The following MARCHF8 variants were observed in gnomAD, a reference collection of about 807,000 sequenced individuals.
MARCHF8 encodes the protein E3 ubiquitin-protein ligase MARCHF8.
Under a neutral mutation model 51.6 loss-of-function variants are expected in MARCHF8, and 40 were observed. The ratio of observed to expected loss-of-function variants is 0.77; its 90% confidence interval spans 0.60 to 1.01. The LOEUF (loss-of-function observed/expected upper bound fraction) is 1.01, where lower values mean the gene tolerates loss of function less well. Ranked by LOEUF, MARCHF8 falls within the 50% of genes least tolerant of loss-of-function variation. The pLI, the probability that MARCHF8 is intolerant of heterozygous loss-of-function variation, is 0.00. For synonymous variants in MARCHF8, 263 were observed against 280.3 expected, an observed-to-expected ratio of 0.94 and a Z score of 0.62; for missense variants, 685 against 708.6, an observed-to-expected ratio of 0.97 and a Z score of 0.38.
At chr10:45,585,795 CA>C (rs1221847312) in intron 1 of MARCHF8, among the ~76,000 whole-genome samples, 2 of 151,516 alleles carry the variant, frequency 1.3e-5, no homozygotes, top group Non-Finnish European at 2.9e-5. Flanking sequence ...TTCTACATAA[CA>C]AAAAAAACTT....
At chr10:45,477,891 C>T (rs1032892454) in intron 3 of MARCHF8, among the ~76,000 whole-genome samples, 4 of 152,154 alleles carry the variant, frequency 2.6e-5, no homozygotes, top group African/African-American at 9.7e-5. Context: ...CATCTGCACC[C>T]TACACCAGAG....
chr10:45,508,833 AT>A (rs1206939981), intron 2 of MARCHF8, among the ~76,000 whole-genome samples: 15 of 152,156 alleles, frequency 9.9e-5, no homozygotes, highest in East Asian at 1.9e-4. Flanking sequence ...ATTGTTTAAA[AT>A]TTTTTTATTG....
At chr10:45,479,620 T>C (rs2042849947) in intron 3 of MARCHF8, among the ~76,000 whole-genome samples, 1 of 152,224 alleles carries the variant, frequency 6.6e-6, no homozygotes, top group African/African-American at 2.4e-5. Context: ...TCTCATTTTG[T>C]AAGGGAAGCC....
intron 1 of MARCHF8, among the ~76,000 whole-genome samples, chr10:45,589,877 A>G (rs1416049999): frequency 6.6e-6 from 1 of 152,232 alleles, no homozygotes; most frequent in African/African-American, 2.4e-5. Context: ...GTGAACATGT[A>G]CATACAAATA....
chr10:45,557,198 G>A (rs1589175215), intron 1 of MARCHF8, among the ~76,000 whole-genome samples: 2 of 142,080 alleles, frequency 1.4e-5, no homozygotes, highest in East Asian at 4.2e-4. Flanking sequence ...AACAATCTCG[G>A]CTCACTGCAA....
chr10:45,498,545 G>C (rs532452127), intron 2 of MARCHF8, among the ~76,000 whole-genome samples: 1 of 151,586 alleles, frequency 6.6e-6, no homozygotes. Context: ...GCATGATCTC[G>C]GCTCACTGCA....
chr10:45,475,066 A>C (rs1052608341), intron 3 of MARCHF8, among the ~76,000 whole-genome samples: 1 of 152,218 alleles, frequency 6.6e-6, no homozygotes, highest in African/African-American at 2.4e-5. Context: ...GGGGCCCAAC[A>C]GTCCCTGCTT....
In MARCHF8 at chr10:45,579,437, A is replaced by ATTTTTTTTTTTTTTTTTTTTTTT. The variant is rs1335051170; in HGVS notation, c.-79+14797_-79+14798insAAAAAAAAAAAAAAAAAAAAAAA. Among the ~76,000 whole-genome samples, 68 of 150,548 alleles carry ATTTTTTTTTTTTTTTTTTTTTTT rather than the reference A, an allele frequency of 4.5e-4. 1 individual carries two copies. The highest frequency in any genetic ancestry group is 7.3e-4 in the Non-Finnish European group (49 of 67,282). ...TATATAAACAAGCTATATAAAGCAAATTTCTTTTAAAAAGCACTATAACCC... is the reference window on the plus strand; with the variant it reads ...TATATAAACAAGCTATATAAAGCAAATTTTTTTTTTTTTTTTTTTTTTTTTTCTTTTAAAAAGCACTATAACCC... On this transcript the variant is annotated intron_variant, in intron 1 of 6. Transcript: ENST00000319836.
intron 1 of MARCHF8, among the ~76,000 whole-genome samples, chr10:45,561,735 C>A (rs2044312624): frequency 6.7e-6 from 1 of 149,952 alleles, no homozygotes; most frequent in South Asian, 2.1e-4. Flanking sequence ...CCTGTCTCTA[C>A]TAAAAAATAC....
At chr10:45,461,940 A>G (rs1842802085) in intron 5 of MARCHF8, 1 of 152,224 alleles carries the variant, frequency 6.6e-6, no homozygotes, top group Admixed American at 6.5e-5. Flanking sequence ...CTAGACCTAA[A>G]AAACTCACCA....
chr10:45,512,496 G>A (rs2043541144), intron 2 of MARCHF8, among the ~76,000 whole-genome samples: 1 of 151,002 alleles, frequency 6.6e-6, no homozygotes, highest in Non-Finnish European at 1.5e-5. Flanking sequence ...CCTCTGCCCG[G>A]CCAGCCGCCC....
chr10:45,477,619 A>G (rs1334250177), intron 3 of MARCHF8, among the ~76,000 whole-genome samples: 1 of 152,114 alleles, frequency 6.6e-6, no homozygotes, highest in Non-Finnish European at 1.5e-5. Context: ...AAAGACAGAG[A>G]CTGGCTGAAT....
Position 45,458,606 on chromosome 10 carries a change from C to T in MARCHF8, c.1418-63G>A, listed in dbSNP as rs1035628047. On this transcript the variant is annotated intron_variant, in intron 7 of 7. Transcript: ENST00000453424. Reference sequence around the variant, plus strand: ...AGATATGAAGTAAAGAAAAACACAACTTCTGAACTTCCCATAATCAACTGA... The same window carrying T: ...AGATATGAAGTAAAGAAAAACACAATTTCTGAACTTCCCATAATCAACTGA... 32 of 1,433,040 alleles carry T rather than the reference C, an allele frequency of 2.2e-5. No homozygotes were observed. The African/African-American group carries it at 4.0e-4, about 18-fold the overall frequency. The allele number at this position is 1,433,040 out of a possible 1,614,324, so 88.8% of individuals were successfully genotyped here. A position where few individuals can be genotyped will look rare whatever the true frequency, so the allele number is the denominator to read the frequency against.
In MARCHF8 at chr10:45,459,988, C is replaced by T. The variant is rs1251063337; in HGVS notation, c.1270-721G>A. The T allele has an allele frequency of 4.4e-6, 3 of 682,338 alleles. No individual in the cohort carries two copies. The Admixed American group carries it at 1.9e-4, about 43-fold the overall frequency. The allele number at this position is 682,338 out of a possible 1,614,324, so 42.3% of individuals were successfully genotyped here. Reference sequence around the variant, plus strand: ...AGTCACAGCCTCTTTCCAGATGAGTCTATGCAGGGTAGTTGAAAATAGAGC... The same window carrying T: ...AGTCACAGCCTCTTTCCAGATGAGTTTATGCAGGGTAGTTGAAAATAGAGC... On this transcript the variant is annotated intron_variant, in intron 6 of 7. Transcript: ENST00000453424.
intron 2 of MARCHF8, among the ~76,000 whole-genome samples, chr10:45,507,654 CTA>C (rs2043411174): frequency 6.6e-6 from 1 of 152,108 alleles, no homozygotes; most frequent in Non-Finnish European, 1.5e-5. Context: ...TCAGAAGACC[CTA>C]CATCCAACAT....
chr10:45,502,693 T>C (rs1363954141), intron 2 of MARCHF8, among the ~76,000 whole-genome samples: 1 of 152,138 alleles, frequency 6.6e-6, no homozygotes, highest in East Asian at 1.9e-4. Context: ...ACTAAGTATG[T>C]GGTGAAAATA....
chr10:45,579,988 G>C (rs1317087851), intron 1 of MARCHF8, among the ~76,000 whole-genome samples: 1 of 97,128 alleles, frequency 1.0e-5, no homozygotes, highest in African/African-American at 4.2e-5. Flanking sequence ...ACTCCAGCCT[G>C]AAAGACTCCG....
intron 2 of MARCHF8, among the ~76,000 whole-genome samples, chr10:45,510,009 T>C (rs1363614509): frequency 6.6e-6 from 1 of 152,210 alleles, no homozygotes; most frequent in South Asian, 2.1e-4. Flanking sequence ...AAACATCTCA[T>C]ACGTGCCTGA....
intron 2 of MARCHF8, among the ~76,000 whole-genome samples, chr10:45,523,698 A>G (rs931765861): frequency 1.3e-5 from 2 of 152,224 alleles, no homozygotes; most frequent in East Asian, 1.9e-4. Context: ...CAAGTCCTAC[A>G]GTGATACCTA....
Sources: allele counts gnomAD v4.1 joint callset (sites outside exome capture counted in the v4.1 genomes callset), GRCh38; gene constraint gnomAD v4.1.1; transcripts MANE v1.5; gene names NCBI Gene and HGNC (gene_info 2026-07-23, HGNC 2026-07-21).